Variants in RBFOX1 observed in about 807,000 individuals in gnomAD.
RBFOX1 encodes RNA binding protein fox-1 homolog 1.
In RBFOX1, 8 loss-of-function variants were observed where a neutral mutation model predicts 57.7. That is an observed-to-expected ratio of 0.14 (90% CI 0.08 to 0.25). The LOEUF (loss-of-function observed/expected upper bound fraction) is 0.25. RBFOX1 is among the 10% of genes least tolerant of loss of function. The probability of loss-of-function intolerance (pLI) is 1.00; values close to 1 mark genes in which losing one functional copy is unlikely to be tolerated. For missense variants in RBFOX1, 611 were observed against 548.5 expected (o/e 1.11, Z -1.14); for synonymous variants, 326 against 222.4 (o/e 1.47, Z -4.15).
chr16:5,912,660 C>T (rs1236901871), intron 4 of RBFOX1, among the ~76,000 whole-genome samples: 1 of 152,152 alleles, frequency 6.6e-6, no homozygotes, highest in African/African-American at 2.4e-5. Context: ...TATTTGCTTG[C>T]TGGGGTTTTT....
intron 4 of RBFOX1, among the ~76,000 whole-genome samples, chr16:7,303,007 C>T (rs1481252037): frequency 1.3e-5 from 2 of 152,212 alleles, no homozygotes; most frequent in Non-Finnish European, 2.9e-5. Context: ...GGAGTAATCT[C>T]TTATCAGACA....
chr16:6,630,404 G>T (rs2098369707), intron 2 of RBFOX1, among the ~76,000 whole-genome samples: 1 of 152,166 alleles, frequency 6.6e-6, no homozygotes, highest in Non-Finnish European at 1.5e-5. Flanking sequence ...TCAAAAGAAA[G>T]TGAAGTTGAT....
At chr16:6,108,439 T>A (rs1181945813) in intron 1 of RBFOX1, among the ~76,000 whole-genome samples, 1 of 152,116 alleles carries the variant, frequency 6.6e-6, no homozygotes, top group African/African-American at 2.4e-5. Context: ...TTTAATGGAG[T>A]GCCTGTCACA....
At chr16:6,697,559 G>C (rs1210699668) in intron 3 of RBFOX1, among the ~76,000 whole-genome samples, 1 of 152,136 alleles carries the variant, frequency 6.6e-6, no homozygotes, top group Non-Finnish European at 1.5e-5. Flanking sequence ...ATTCTCACTG[G>C]AGCAGCTTGA....
intron 1 of RBFOX1, among the ~76,000 whole-genome samples, chr16:5,311,176 C>CT (rs1185895980): frequency 6.6e-6 from 1 of 152,102 alleles, no homozygotes; most frequent in Non-Finnish European, 1.5e-5. Flanking sequence ...TTATTTCATT[C>CT]TTTTTTATGG....
intron 2 of RBFOX1, among the ~76,000 whole-genome samples, chr16:6,557,723 A>G (rs978355852): frequency 6.6e-6 from 1 of 152,162 alleles, no homozygotes. Context: ...TTGCATAAGC[A>G]TTTTCCTTCT....
chr16:7,484,997 G>T (rs17674860), intron 4 of RBFOX1, among the ~76,000 whole-genome samples: 21,482 of 151,870 alleles, frequency 0.14, 2,013 homozygotes, highest in Non-Finnish European at 0.21. Context: ...TCATAACTCA[G>T]TTGCATTTTT....
At chr16:7,318,482 T>G (rs1441158319) in intron 4 of RBFOX1, among the ~76,000 whole-genome samples, 1 of 152,214 alleles carries the variant, frequency 6.6e-6, no homozygotes, top group Non-Finnish European at 1.5e-5. Flanking sequence ...CTTACCACCT[T>G]TGCACCGTTG....
chr16:5,548,170 A>ATATATATATATATATATATATATATAT (rs1317008346), intron 2 of RBFOX1, among the ~76,000 whole-genome samples: 2 of 40,712 alleles, frequency 4.9e-5, no homozygotes, highest in Admixed American at 3.8e-4. Flanking sequence ...AAAAAAAAAA[A>ATATATATATATATATATATATATATAT]AAAAATATAT....
In RBFOX1 at chr16:6,853,076, C is replaced by T. The variant is rs72768836; in HGVS notation, c.-16+198426C>T. On this transcript the variant is annotated intron_variant, in intron 3 of 15. Transcript: ENST00000550418. ...ACCCAGAGACAGCCTCTGGTGTTAC[C>T]CTTCACACAGTTCTATCCCTCCCTC... Among the ~76,000 whole-genome samples, 461 of 152,232 alleles carry T rather than the reference C, an allele frequency of 3.0e-3. 3 individuals carry two copies. Among genetic ancestry groups the T allele is most frequent in the Non-Finnish European group, 4.7e-3 (321 of 68,004 alleles).
chr16:5,935,676 G>C (rs759185358), intron 4 of RBFOX1, among the ~76,000 whole-genome samples: 6 of 152,208 alleles, frequency 3.9e-5, no homozygotes, highest in Non-Finnish European at 7.3e-5. Context: ...GGTCCCTCCA[G>C]AGTCAGCAAG....
At chr16:6,948,659 A>G (rs7194534) in intron 3 of RBFOX1, among the ~76,000 whole-genome samples, 103,548 of 151,782 alleles carry the variant, frequency 0.68, 36,266 homozygotes, top group African/African-American at 0.85. Flanking sequence ...TGGGATTACA[A>G]GCGTGAGCCA....
At chr16:7,016,102 GTAAA>G (rs771507585) in intron 3 of RBFOX1, among the ~76,000 whole-genome samples, 2 of 152,170 alleles carry the variant, frequency 1.3e-5, no homozygotes, top group Non-Finnish European at 2.9e-5. Context: ...TGTAGGCTTA[GTAAA>G]GTTCATCACT....
chr16:6,330,663 AT>A (rs1305180584), intron 2 of RBFOX1, among the ~76,000 whole-genome samples: 2 of 152,360 alleles, frequency 1.3e-5, no homozygotes, highest in African/African-American at 4.8e-5. Flanking sequence ...CCAGACACCC[AT>A]GCTGCCTAGA....
chr16:6,796,426 C>G (rs1242691190), intron 3 of RBFOX1, among the ~76,000 whole-genome samples: 3 of 152,108 alleles, frequency 2.0e-5, no homozygotes, highest in African/African-American at 7.2e-5. Flanking sequence ...TTCCTTAAAA[C>G]AGATAAAGCA....
intron 2 of RBFOX1, among the ~76,000 whole-genome samples, chr16:6,379,472 AG>A (rs1490964604): frequency 6.6e-6 from 1 of 152,072 alleles, no homozygotes; most frequent in East Asian, 1.9e-4. Context: ...CCGCATGAGA[AG>A]GTTGGGGAAA....
intron 4 of RBFOX1, among the ~76,000 whole-genome samples, chr16:5,873,715 G>A (rs983325299): frequency 6.6e-6 from 1 of 152,168 alleles, no homozygotes; most frequent in Non-Finnish European, 1.5e-5. Context: ...GAGGACTGAT[G>A]TTGTCAATAG....
chr16:5,406,085 G>A (rs1210792998), intron 1 of RBFOX1, among the ~76,000 whole-genome samples: 2 of 152,134 alleles, frequency 1.3e-5, no homozygotes, highest in African/African-American at 2.4e-5. Flanking sequence ...TCCAACTTAT[G>A]TATTTGAAAT....
chr16:7,052,365 A>G (rs1318662942), intron 4 of RBFOX1, among the ~76,000 whole-genome samples: 1 of 152,198 alleles, frequency 6.6e-6, no homozygotes, highest in Non-Finnish European at 1.5e-5. Flanking sequence ...GTTTGACATC[A>G]TTGTACTCTT....
Sources: gnomAD v4.1 joint callset for allele counts (sites outside exome capture counted in the v4.1 genomes callset) on GRCh38, gnomAD v4.1.1 for gene constraint, MANE v1.5 for transcripts, NCBI Gene and HGNC (gene_info 2026-07-23, HGNC 2026-07-21) for gene names.